Variants in MED13L observed in about 807,000 individuals in gnomAD.
The protein encoded by MED13L is mediator complex subunit 13L.
A neutral mutation model predicts 220.9 loss-of-function variants in MED13L; 7 were observed. The ratio of observed to expected loss-of-function variants is 0.03; its 90% CI spans 0.02 to 0.06. The LOEUF (loss-of-function observed/expected upper bound fraction) is 0.06. Ranked by LOEUF, MED13L falls within the 10% of genes least tolerant of loss-of-function variation. The pLI is 1.00. For synonymous variants in MED13L, 1,011 were observed against 1,015.2 expected (o/e 1.00, Z 0.08); for missense variants, 1,965 against 2,760.5 (o/e 0.71, Z 6.46).
At chr12:116,190,142 G>A (rs1168381268) in intron 2 of MED13L, among the ~76,000 whole-genome samples, 1 of 152,118 alleles carries the variant, frequency 6.6e-6, no homozygotes, top group Non-Finnish European at 1.5e-5. Context: ...ATCTTAGGAA[G>A]AAAATTATTC....
At chr12:116,166,620 C>A (rs975840221) in intron 2 of MED13L, among the ~76,000 whole-genome samples, 1 of 152,046 alleles carries the variant, frequency 6.6e-6, no homozygotes, top group Non-Finnish European at 1.5e-5. Context: ...TTTTTCTGGC[C>A]TCTTATTAAG....
intron 2 of MED13L, among the ~76,000 whole-genome samples, chr12:116,179,891 T>C (rs973908267): frequency 2.0e-5 from 3 of 152,274 alleles, no homozygotes; most frequent in East Asian, 3.9e-4. Flanking sequence ...TCTGTGACCA[T>C]GTCTATTAAA....
At chr12:116,009,241 G>C in intron 9 of MED13L, 109 bp from the exon 10 acceptor site, 1 of 1,068,904 alleles carries the variant, frequency 9.4e-7, no homozygotes. Context: ...ATATAAAAGG[G>C]CTCTAAGTTT....
intron 4 of MED13L, among the ~76,000 whole-genome samples, chr12:116,057,295 T>C (rs980659771): frequency 6.6e-6 from 1 of 152,038 alleles, no homozygotes; most frequent in African/African-American, 2.4e-5. Context: ...ACATTCCACA[T>C]GAAAAGGTAC....
At chr12:116,232,133 C>A in intron 2 of MED13L, 2 of 985,368 alleles carry the variant, frequency 2.0e-6, no homozygotes, top group Non-Finnish European at 2.4e-6. Context: ...ATCGCCCACA[C>A]CTCCTGGCAC....
intron 1 of MED13L, among the ~76,000 whole-genome samples, chr12:116,248,297 T>C (rs768108611): frequency 3.9e-5 from 6 of 152,176 alleles, no homozygotes; most frequent in Non-Finnish European, 8.8e-5. Context: ...CAGTCCCAAG[T>C]GGTATCAACA....
intron 2 of MED13L, among the ~76,000 whole-genome samples, chr12:116,119,014 A>C (rs1212522592): frequency 6.6e-6 from 1 of 152,166 alleles, no homozygotes; most frequent in African/African-American, 2.4e-5. Context: ...TAGGCACTAC[A>C]TATAAATGGG....
At chr12:115,975,107 T>C (rs1235233640) in intron 25 of MED13L, 64 bp downstream of exon 25, 1 of 1,480,130 alleles carries the variant, frequency 6.8e-7, no homozygotes, top group South Asian at 1.1e-5. Context: ...CTTAGCTCAG[T>C]TAATGACAAT....
At chr12:116,005,001 T>G (rs888673228) in intron 13 of MED13L, among the ~76,000 whole-genome samples, 1 of 152,196 alleles carries the variant, frequency 6.6e-6, no homozygotes, top group Non-Finnish European at 1.5e-5. Flanking sequence ...TTTCTCCTTA[T>G]GTCTGTGAGT....
intron 1 of MED13L, among the ~76,000 whole-genome samples, chr12:116,259,859 G>A (rs1872371937): frequency 6.6e-6 from 1 of 152,108 alleles, no homozygotes; most frequent in African/African-American, 2.4e-5. Context: ...ACATAAAATT[G>A]TATAAAATTT....
intron 7 of MED13L, among the ~76,000 whole-genome samples, chr12:116,016,843 T>A (rs1351958996): frequency 6.6e-6 from 1 of 152,212 alleles, no homozygotes; most frequent in Non-Finnish European, 1.5e-5. Context: ...CCAATCCAAA[T>A]AAGGTATGAG....
intron 2 of MED13L, among the ~76,000 whole-genome samples, chr12:116,136,152 C>T (rs978013591): frequency 7.9e-5 from 12 of 152,154 alleles, no homozygotes; most frequent in African/African-American, 2.7e-4. Flanking sequence ...CCACCTGCCT[C>T]GGCCTTCCAA....
chr12:116,271,329 G>A (rs1441547658), intron 1 of MED13L, among the ~76,000 whole-genome samples: 1 of 151,950 alleles, frequency 6.6e-6, no homozygotes, highest in Non-Finnish European at 1.5e-5. Flanking sequence ...TGACAGGCAC[G>A]CCTGTAATCC....
chr12:116,047,186 C>T (rs753371965), intron 4 of MED13L, among the ~76,000 whole-genome samples: 66 of 151,914 alleles, frequency 4.3e-4, no homozygotes, highest in Admixed American at 1.4e-3. Flanking sequence ...CCTATCTCTA[C>T]AAAAAGAAAA....
At chr12:116,135,414 AAAAGGCCTCCAGATGATCTTGG>A (rs1243097636) in intron 2 of MED13L, among the ~76,000 whole-genome samples, 5 of 152,222 alleles carry the variant, frequency 3.3e-5, no homozygotes, top group Non-Finnish European at 7.3e-5. Context: ...AATGTGAATA[AAAAGGCCTCCAGATGATCTTGG>A]CACCCAGCCA....
chr12:115,993,367 T>C (rs1878193158), intron 16 of MED13L, among the ~76,000 whole-genome samples: 2 of 152,148 alleles, frequency 1.3e-5, no homozygotes, highest in Admixed American at 1.3e-4. Context: ...AAACTAATGC[T>C]CCTCCAATAA....
At chr12:116,087,240 T>C (rs1289983605) in intron 4 of MED13L, among the ~76,000 whole-genome samples, 1 of 152,214 alleles carries the variant, frequency 6.6e-6, no homozygotes, top group Admixed American at 6.5e-5. Flanking sequence ...TTATGCTATC[T>C]TATTCAATAC....
intron 7 of MED13L, among the ~76,000 whole-genome samples, chr12:116,016,141 A>G (rs569357686): frequency 6.6e-6 from 1 of 152,264 alleles, no homozygotes; most frequent in South Asian, 2.1e-4. Context: ...CTTAGTAAGT[A>G]TATATTATGG....
At chr12:116,276,882 G>A (rs1873897663) in intron 1 of MED13L, 178 bp downstream of exon 1, 1 of 964,732 alleles carries the variant, frequency 1.0e-6, no homozygotes, top group African/African-American at 1.6e-5. Flanking sequence ...CACTGGATGG[G>A]ATCCAAGGCG....
Sources: gnomAD v4.1 joint callset for allele counts (sites outside exome capture counted in the v4.1 genomes callset) on GRCh38, gnomAD v4.1.1 for gene constraint, MANE v1.5 for transcripts, NCBI Gene and HGNC (gene_info 2026-07-23, HGNC 2026-07-21) for gene names.